Variants in ERC2 observed in about 807,000 individuals in gnomAD.
ERC2 encodes the protein ERC protein 2.
A neutral mutation model predicts 114.8 loss-of-function variants in ERC2; 42 were observed. That is an observed-to-expected ratio of 0.37 (90% CI 0.29 to 0.47). ERC2 has a LOEUF of 0.47. ERC2 is among the 20% of genes least tolerant of loss of function. The pLI is 0.99. For synonymous variants in ERC2, 454 were observed against 425.5 expected (o/e 1.07, Z -0.82); for missense variants, 939 against 1,150.7 (o/e 0.82, Z 2.66).
chr3:55,657,560 A>T (rs902445465), intron 17 of ERC2: 1 of 152,134 alleles, frequency 6.6e-6, no homozygotes, highest in Non-Finnish European at 1.5e-5. Context: ...GGCTCAGGTA[A>T]TTCTCCCACC....
At chr3:56,448,561 A>G (rs2062686766) in intron 1 of ERC2, among the ~76,000 whole-genome samples, 1 of 152,110 alleles carries the variant, frequency 6.6e-6, no homozygotes, top group African/African-American at 2.4e-5. Flanking sequence ...CGGGCCTCAT[A>G]CACATGAACT....
intron 17 of ERC2, among the ~76,000 whole-genome samples, chr3:55,593,297 G>T (rs767601608): frequency 3.9e-5 from 6 of 152,204 alleles, no homozygotes; most frequent in Admixed American, 1.3e-4. Flanking sequence ...CATGGAGATG[G>T]AGAGGGAGGT....
chr3:55,802,372 C>T lies in ERC2; in HGVS notation c.2565-67454G>A, dbSNP rs77024069. On this transcript the variant is annotated intron_variant, in intron 14 of 17. Transcript: ENST00000288221. ...GAATAGTTATCTTGAGTATAGGGGACGGGGAGGTATGAAGTTCAGATAGGG... is the reference window on the plus strand; with the variant it reads ...GAATAGTTATCTTGAGTATAGGGGATGGGGAGGTATGAAGTTCAGATAGGG... Among the ~76,000 whole-genome samples, 483 of 152,064 alleles carry T rather than the reference C, an allele frequency of 3.2e-3. 9 individuals carry two copies. The East Asian group carries it at 0.05, about 16-fold the overall frequency.
At chr3:56,222,703 A>G (rs2049995216) in intron 3 of ERC2, among the ~76,000 whole-genome samples, 4 of 152,206 alleles carry the variant, frequency 2.6e-5, no homozygotes, top group Admixed American at 2.6e-4. Flanking sequence ...CCCATAGTAA[A>G]TGCTCAACAA....
At chr3:55,813,770 A>G (rs1182712937) in intron 14 of ERC2, among the ~76,000 whole-genome samples, 1 of 152,222 alleles carries the variant, frequency 6.6e-6, no homozygotes, top group East Asian at 1.9e-4. Flanking sequence ...AACACCTTCA[A>G]AGAGCCAGCC....
At chr3:55,957,351 A>C (rs1315620234) in intron 12 of ERC2, among the ~76,000 whole-genome samples, 5 of 152,218 alleles carry the variant, frequency 3.3e-5, no homozygotes, top group Non-Finnish European at 7.3e-5. Flanking sequence ...GGCATCCCTT[A>C]CCAAGTCTGT....
intron 15 of ERC2, among the ~76,000 whole-genome samples, chr3:55,724,971 T>C (rs1207686738): frequency 6.6e-6 from 1 of 152,360 alleles, no homozygotes; most frequent in Middle Eastern, 3.4e-3. Flanking sequence ...AAAACATGCG[T>C]TATCACTTAA....
At chr3:56,000,726 T>C (rs1015369162) in intron 10 of ERC2, among the ~76,000 whole-genome samples, 1 of 151,944 alleles carries the variant, frequency 6.6e-6, no homozygotes, top group African/African-American at 2.4e-5. Context: ...AAACTTAAGA[T>C]AGTAGGAACT....
intron 17 of ERC2, among the ~76,000 whole-genome samples, chr3:55,539,249 C>T (rs1047611973): frequency 2.6e-5 from 4 of 151,992 alleles, no homozygotes; most frequent in Non-Finnish European, 5.9e-5. Context: ...AGATCATCTG[C>T]CCCATGTTCA....
chr3:56,213,244 GT>G (rs2049197586), intron 3 of ERC2, among the ~76,000 whole-genome samples: 1 of 152,190 alleles, frequency 6.6e-6, no homozygotes, highest in African/African-American at 2.4e-5. Context: ...AGTGCAAGGG[GT>G]CAGGGAATTC....
intron 17 of ERC2, among the ~76,000 whole-genome samples, chr3:55,675,376 G>A (rs541691046): frequency 1.3e-5 from 2 of 152,322 alleles, no homozygotes; most frequent in African/African-American, 4.8e-5. Flanking sequence ...CTCTGGAGAA[G>A]GAATATATGG....
intron 2 of ERC2, among the ~76,000 whole-genome samples, chr3:56,433,192 AAGAGAGAGAG>A (rs35806370): frequency 0.017 from 2,384 of 137,754 alleles, 28 homozygotes; most frequent in Middle Eastern, 0.029. Flanking sequence ...AAAAAAAAAA[AAGAGAGAGAG>A]AGAGAGAGAG....
In ERC2 at chr3:55,902,466, C is replaced by T. The variant is rs144877912; in HGVS notation, c.2404-13917G>A. Among the ~76,000 whole-genome samples, 604 of 152,238 alleles carry T rather than the reference C, an allele frequency of 4.0e-3. 4 individuals carry two copies. The highest frequency in any genetic ancestry group is 0.034 in the Middle Eastern group (10 of 294). ...ATACAGGGAAAACTCAGAACAAAGACGCCCACCCAAACAGTCAGTTCTCCC... is the reference window on the plus strand; with the variant it reads ...ATACAGGGAAAACTCAGAACAAAGATGCCCACCCAAACAGTCAGTTCTCCC... On this transcript the variant is annotated intron_variant, in intron 13 of 17. Transcript: ENST00000288221.
intron 8 of ERC2, 47 bp downstream of exon 8, chr3:56,018,845 ACT>A: frequency 6.3e-7 from 1 of 1,585,874 alleles, no homozygotes; most frequent in Non-Finnish European, 8.6e-7. Context: ...ACTTTCCCCA[ACT>A]CTGTTTCCCC....
intron 14 of ERC2, among the ~76,000 whole-genome samples, chr3:55,876,206 T>C (rs966402291): frequency 1.3e-5 from 2 of 152,224 alleles, no homozygotes; most frequent in African/African-American, 2.4e-5. Context: ...AGTGAGGACA[T>C]AGATCTTGAG....
At position 56,215,569 on chromosome 3, in the gene ERC2, C is replaced by T. The variant is rs192166850; in HGVS notation, c.1075-42049G>A. On this transcript the variant is annotated intron_variant, in intron 3 of 17. Coordinates refer to ENST00000288221, the MANE Select transcript of ERC2 (RefSeq NM_015576.3). The stretch of plus-strand genomic sequence containing the variant: ...GGAGAGTTTGACACCCCACTGTCAA[C>T]ATTAGACAGATCAATGGGACAGAAA... Among the ~76,000 whole-genome samples the T allele has an allele frequency of 7.2e-5, 11 of 152,258 alleles. No homozygotes were observed. In the East Asian group the frequency reaches 1.9e-3, roughly 27 times the overall value.
intron 17 of ERC2, among the ~76,000 whole-genome samples, chr3:55,629,777 T>G (rs560571218): frequency 6.6e-6 from 1 of 152,348 alleles, no homozygotes; most frequent in East Asian, 1.9e-4. Flanking sequence ...ACAAGTATTA[T>G]CAACAGTATA....
At chr3:56,377,391 T>A (rs1186114654) in intron 2 of ERC2, among the ~76,000 whole-genome samples, 1 of 152,160 alleles carries the variant, frequency 6.6e-6, no homozygotes, top group Non-Finnish European at 1.5e-5. Context: ...ATAAGACAGA[T>A]CTTTTGGGTC....
intron 13 of ERC2, among the ~76,000 whole-genome samples, chr3:55,945,471 A>G (rs951813359): frequency 2.6e-5 from 4 of 152,224 alleles, no homozygotes; most frequent in Non-Finnish European, 5.9e-5. Context: ...ATTGCTGCTT[A>G]AGATATACAC....
Sources: allele counts gnomAD v4.1 joint callset (sites outside exome capture counted in the v4.1 genomes callset), GRCh38; gene constraint gnomAD v4.1.1; transcripts MANE v1.5; gene names NCBI Gene and HGNC (gene_info 2026-07-23, HGNC 2026-07-21).